Variants in PTPRN2 observed in about 807,000 individuals in gnomAD.
PTPRN2 encodes the protein protein tyrosine phosphatase receptor type N2.
In PTPRN2, 74 loss-of-function variants were observed where a neutral mutation model predicts 118.8. That is an observed-to-expected ratio of 0.62 (90% confidence interval 0.52 to 0.76). The LOEUF (loss-of-function observed/expected upper bound fraction) is 0.76. Among genes scored for constraint, PTPRN2 ranks in the 30% least tolerant of loss-of-function variants. The pLI, the probability that PTPRN2 is intolerant of heterozygous loss-of-function variation, is 0.00. For synonymous variants in PTPRN2, 641 were observed against 608.0 expected (o/e 1.05, Z -0.80); for missense variants, 1,481 against 1,394.4 (o/e 1.06, Z -0.99).
chr7:157,928,499 C>A (rs1218035503), intron 11 of PTPRN2, among the ~76,000 whole-genome samples: 1 of 152,078 alleles, frequency 6.6e-6, no homozygotes, highest in Admixed American at 6.6e-5. Flanking sequence ...TCAACTGGCT[C>A]CCCCAGGTCC....
intron 12 of PTPRN2, among the ~76,000 whole-genome samples, chr7:157,721,447 A>G (rs1799225624): frequency 6.6e-6 from 1 of 152,206 alleles, no homozygotes; most frequent in Non-Finnish European, 1.5e-5. Context: ...GTGTCAGGGG[A>G]CGAGTGTCCA....
At chr7:158,278,347 CAAA>C (rs34662497) in intron 3 of PTPRN2, among the ~76,000 whole-genome samples, 2 of 144,600 alleles carry the variant, frequency 1.4e-5, no homozygotes. Flanking sequence ...TACTAAAATA[CAAA>C]AAAAAAAAAA....
chr7:158,489,595 G>A (rs890603347), intron 2 of PTPRN2, 140 bp downstream of exon 2: 3 of 811,422 alleles, frequency 3.7e-6, no homozygotes, highest in African/African-American at 1.8e-5. Context: ...TGGCTCCGGG[G>A]TTCCATCCGC....
intron 2 of PTPRN2, among the ~76,000 whole-genome samples, chr7:158,405,210 G>A (rs1033854719): frequency 6.6e-6 from 1 of 152,128 alleles, no homozygotes; most frequent in Non-Finnish European, 1.5e-5. Flanking sequence ...ATCCTCCCGG[G>A]GTGCCTGGGA....
chr7:157,882,060 A>G (rs1796160765), intron 12 of PTPRN2, among the ~76,000 whole-genome samples: 1 of 152,032 alleles, frequency 6.6e-6, no homozygotes, highest in Non-Finnish European at 1.5e-5. Context: ...CCACCCCACA[A>G]ACTACTGTTG....
intron 2 of PTPRN2, among the ~76,000 whole-genome samples, chr7:158,342,188 A>T: frequency 1.1e-5 from 1 of 90,050 alleles, no homozygotes; most frequent in Admixed American, 1.1e-4. Flanking sequence ...GCCGACGCCC[A>T]CAGACGTCAC....
At chr7:157,836,990 T>C (rs1430863493) in intron 12 of PTPRN2, among the ~76,000 whole-genome samples, 2 of 145,150 alleles carry the variant, frequency 1.4e-5, no homozygotes, top group Admixed American at 1.4e-4. Context: ...TGCCCTTCCA[T>C]GCATCCCTCC....
At chr7:157,915,299 A>T (rs906230124) in intron 11 of PTPRN2, among the ~76,000 whole-genome samples, 2 of 152,190 alleles carry the variant, frequency 1.3e-5, no homozygotes, top group Non-Finnish European at 2.9e-5. Context: ...TCTGCCAGGC[A>T]TCTGGAGGCC....
chr7:158,098,755 T>C (rs1814896953), intron 10 of PTPRN2, among the ~76,000 whole-genome samples: 1 of 151,328 alleles, frequency 6.6e-6, no homozygotes, highest in African/African-American at 2.4e-5. Flanking sequence ...ACGCTCCTTA[T>C]GGGAGAGGAG....
chr7:158,272,577 C>T (rs1798587480), intron 3 of PTPRN2, among the ~76,000 whole-genome samples: 1 of 152,200 alleles, frequency 6.6e-6, no homozygotes, highest in Non-Finnish European at 1.5e-5. Flanking sequence ...AAAGACACCG[C>T]ACGCGGCCCA....
At position 158,314,309 on chromosome 7, in the gene PTPRN2, T is replaced by C. The variant is rs1278182457; in HGVS notation, c.277+2510A>G. Among the ~76,000 whole-genome samples, 7 of 152,336 alleles carry C rather than the reference T, an allele frequency of 4.6e-5. No homozygotes were observed. In the East Asian group the frequency reaches 1.4e-3, roughly 29 times the overall value. ...TTGCTCCTTAAATGAGGCTTTTCCC[T>C]CTTCTCAAGATAATAAAGTGAAGGG... On this transcript the variant is annotated intron_variant, in intron 3 of 22. Transcript: ENST00000389418.
intron 12 of PTPRN2, among the ~76,000 whole-genome samples, chr7:157,807,867 G>C (rs1805730911): frequency 6.6e-6 from 1 of 152,218 alleles, no homozygotes; most frequent in South Asian, 2.1e-4. Context: ...GGCACGTCAG[G>C]CTCTGGGATG....
chr7:158,147,768 C>A (rs1354913044), intron 6 of PTPRN2, among the ~76,000 whole-genome samples: 2 of 120,422 alleles, frequency 1.7e-5, no homozygotes, highest in Non-Finnish European at 3.4e-5. Context: ...CCCCACCTCA[C>A]GCCACGTGTT....
At chr7:158,027,119 C>T (rs1807335375) in intron 11 of PTPRN2, among the ~76,000 whole-genome samples, 1 of 152,194 alleles carries the variant, frequency 6.6e-6, no homozygotes, top group African/African-American at 2.4e-5. Context: ...CACCCCAGCC[C>T]CAGGCAGAGC....
At chr7:158,540,607 G>A (rs1197131658) in intron 1 of PTPRN2, among the ~76,000 whole-genome samples, 1 of 152,206 alleles carries the variant, frequency 6.6e-6, no homozygotes, top group East Asian at 1.9e-4. Flanking sequence ...CAAAGGGACA[G>A]CAGAGCGTCA....
At chr7:158,190,739 C>T (rs953884702) in intron 5 of PTPRN2, among the ~76,000 whole-genome samples, 1 of 152,266 alleles carries the variant, frequency 6.6e-6, no homozygotes, top group African/African-American at 2.4e-5. Context: ...AGCAGCCTCT[C>T]AACTGTGGCC....
chr7:158,276,834 T>C (rs1458877939), intron 3 of PTPRN2, among the ~76,000 whole-genome samples: 1 of 152,140 alleles, frequency 6.6e-6, no homozygotes, highest in African/African-American at 2.4e-5. Flanking sequence ...GCGGGCGGCC[T>C]CCTCGTAGTG....
At chr7:158,012,184 GT>G (rs1806094798) in intron 11 of PTPRN2, among the ~76,000 whole-genome samples, 1 of 152,200 alleles carries the variant, frequency 6.6e-6, no homozygotes. Flanking sequence ...ACTGTTCTTA[GT>G]GTCTGACACG....
At chr7:157,961,963 T>G (rs1396789583) in intron 11 of PTPRN2, among the ~76,000 whole-genome samples, 1 of 152,018 alleles carries the variant, frequency 6.6e-6, no homozygotes, top group Non-Finnish European at 1.5e-5. Context: ...ACCCGGGGTG[T>G]GTGGGAGGCT....
Sources: gnomAD v4.1 joint callset for allele counts (sites outside exome capture counted in the v4.1 genomes callset) on GRCh38, gnomAD v4.1.1 for gene constraint, MANE v1.5 for transcripts, NCBI Gene and HGNC (gene_info 2026-07-23, HGNC 2026-07-21) for gene names.